Variants in BSPH1 observed in about 807,000 individuals in gnomAD.
The protein encoded by BSPH1 is binder of sperm 1.
Under a neutral mutation model 22.5 loss-of-function variants are expected in BSPH1, and 21 were observed. The ratio of observed to expected loss-of-function variants is 0.93; its 90% CI spans 0.66 to 1.35. The LOEUF (loss-of-function observed/expected upper bound fraction) is 1.35. BSPH1 is among the 40% of genes most tolerant of loss of function. BSPH1 has a pLI of 0.00. For synonymous variants in BSPH1, 42 were observed against 53.6 expected, an observed-to-expected ratio of 0.78 and a Z score of 0.95; for missense variants, 141 against 154.2, an observed-to-expected ratio of 0.91 and a Z score of 0.45.
Position 47,975,750 on chromosome 19 carries a change from T to C in BSPH1, c.*2+960A>G, listed in dbSNP as rs968755416. Among the ~76,000 whole-genome samples the C allele has an allele frequency of 2.0e-5, 3 of 150,232 alleles. No homozygotes were observed. The South Asian group carries it at 6.3e-4, about 32-fold the overall frequency. On this transcript the variant is annotated intron_variant, in intron 5 of 5. Coordinates refer to ENST00000344839, the MANE Select transcript of BSPH1 (RefSeq NM_001128326.2). ...GGCTCACTGCAAGCTCCGCCTCCCG[T>C]GTTCACGCCATTCTCCTGCCTCAGC...
Position 47,992,029 on chromosome 19 carries a change from C to G in BSPH1, c.53G>C (p.Cys18Ser), listed in dbSNP as rs1210972032. The change falls in exon 1 of 6, where the codon TGC (cysteine) becomes TCC (serine). Residue 18 changes from cysteine to serine, a missense_variant. Cys to Ser is a moderately radical substitution (Grantham distance 112). Coordinates refer to ENST00000344839, the MANE Select transcript of BSPH1 (RefSeq NM_001128326.2). ...AATACTTAAAATAACAGGGAAGATG[C>G]AAGCTGAGGAATTTCGCGTCGTTTC... ...FVETTRNSSA[C>S]IFPVILNELS... is the part of the protein sequence containing the mutation. The G allele has an allele frequency of 6.5e-7, 1 of 1,549,786 alleles. No individual in the cohort carries two copies. Among genetic ancestry groups the G allele is most frequent in the Admixed American group, 2.0e-5 (1 of 50,956 alleles).
chr19:47,988,759 CT>C (rs1270226764), intron 1 of BSPH1, among the ~76,000 whole-genome samples: 3 of 152,220 alleles, frequency 2.0e-5, no homozygotes, highest in African/African-American at 7.2e-5. Flanking sequence ...GTCTACACAC[CT>C]GGACAGTTCT....
chr19:47,973,222 AATAATAATAATAAT>A (rs1568395382), intron 5 of BSPH1, among the ~76,000 whole-genome samples: 31 of 87,344 alleles, frequency 3.5e-4, no homozygotes, highest in African/African-American at 9.9e-4. Context: ...GTCTCAAAAT[AATAATAATAATAAT>A]AATAATAATA....
chr19:47,973,047 C>G (rs907892605), intron 5 of BSPH1, among the ~76,000 whole-genome samples: 2 of 151,622 alleles, frequency 1.3e-5, no homozygotes, highest in African/African-American at 4.8e-5. Flanking sequence ...GAAACCCCGT[C>G]TCTTCTAAAA....
chr19:47,970,527 T>C (rs1057261475), intron 5 of BSPH1, among the ~76,000 whole-genome samples: 2 of 152,204 alleles, frequency 1.3e-5, no homozygotes, highest in African/African-American at 4.8e-5. Context: ...GTACAAAGGT[T>C]GACTTGATGC....
chr19:47,987,249 G>A (rs1460288215), intron 1 of BSPH1, among the ~76,000 whole-genome samples: 1 of 152,184 alleles, frequency 6.6e-6, no homozygotes, highest in Non-Finnish European at 1.5e-5. Context: ...GTTTGTGGAG[G>A]CTAAAACACC....
Position 47,991,099 on chromosome 19 carries a change from C to T in BSPH1, c.73+910G>A, listed in dbSNP as rs543335534. 9.9e-5 allele frequency among the ~76,000 whole-genome samples: 15 copies of T among 152,268 alleles called. No individual in the cohort carries two copies. The South Asian group carries it at 2.3e-3, about 23-fold the overall frequency. On this transcript the variant is annotated intron_variant, in intron 1 of 5. Transcript: ENST00000344839. ...CAAGGGAGACTGTTGCCCTCCATGGCGACTGGGATTTGATTACATACAGCA... is the reference window on the plus strand; with the variant it reads ...CAAGGGAGACTGTTGCCCTCCATGGTGACTGGGATTTGATTACATACAGCA...
chr19:47,968,450 C>T (rs897519726), intron 5 of BSPH1, among the ~76,000 whole-genome samples: 10 of 151,490 alleles, frequency 6.6e-5, no homozygotes, highest in East Asian at 1.9e-4. Flanking sequence ...CTCTGCTTCC[C>T]GCGTTCAAAT....
chr19:47,977,651 G>T, intron 3 of BSPH1, 147 bp from the exon 4 acceptor site: 1 of 1,408,028 alleles, frequency 7.1e-7, no homozygotes, highest in Non-Finnish European at 9.2e-7. Context: ...CAATAGCAGA[G>T]CTTTGGCTCT....
At chr19:47,979,478 T>C (rs539015814) in intron 3 of BSPH1, 92 bp downstream of exon 3, 13 of 671,530 alleles carry the variant, frequency 1.9e-5, no homozygotes, top group Non-Finnish European at 3.0e-5. Flanking sequence ...AAAAAATGAT[T>C]TTTTTTACTG....
intron 1 of BSPH1, among the ~76,000 whole-genome samples, chr19:47,988,362 G>T (rs571931864): frequency 3.3e-5 from 5 of 152,154 alleles, no homozygotes; most frequent in Admixed American, 6.6e-5. Flanking sequence ...GAGTCAGCAA[G>T]AATCACGATC....
chr19:47,982,840 A>G (rs1157982504), intron 1 of BSPH1, among the ~76,000 whole-genome samples: 1 of 152,240 alleles, frequency 6.6e-6, no homozygotes, highest in East Asian at 1.9e-4. Flanking sequence ...AGGTTAAGTA[A>G]AATAAGCCAG....
In BSPH1 at chr19:47,989,917, G is replaced by A. The variant is rs542422942; in HGVS notation, c.73+2092C>T. Among the ~76,000 whole-genome samples, 19 of 152,016 alleles carry A rather than the reference G, an allele frequency of 1.2e-4. No individual in the cohort carries two copies. In the South Asian group the frequency reaches 3.8e-3, roughly 30 times the overall value. On this transcript the variant is annotated intron_variant, in intron 1 of 5. Coordinates refer to ENST00000344839, the MANE Select transcript of BSPH1 (RefSeq NM_001128326.2). The stretch of plus-strand genomic sequence containing the variant: ...GTGAATCACCGAAGATCAGGAGTTC[G>A]AGACCAGCCTGGCCAACATGGTGGA...
chr19:47,976,592 AAAAAC>A lies in BSPH1; in HGVS notation c.*2+113_*2+117del, dbSNP rs1216536425. 1,161 of 666,226 alleles carry A rather than the reference AAAAAC, an allele frequency of 1.7e-3. 7 individuals are homozygous for A. Among genetic ancestry groups the A allele is most frequent in the African/African-American group, 2.8e-3 (140 of 50,206 alleles). The allele number at this position is 666,226 out of a possible 1,614,324, so 41.3% of individuals were successfully genotyped here. A position where few individuals can be genotyped will look rare whatever the true frequency, so the allele number is the denominator to read the frequency against. On this transcript the variant is annotated intron_variant, in intron 5 of 5. Transcript: ENST00000344839. ...TCAACTCACATCCCAGAAAAAAAAA[AAAAAC>A]AAAAAAAAACCCTCTCTAATGAGAA...
In BSPH1 at chr19:47,989,386, C is replaced by T. The variant is rs182298877; in HGVS notation, c.73+2623G>A. ...GTCTTGAACTCCTGACCTTGTGATCCGCCCGCCTCGGCCTCCCAAAGTGCT... is the reference window on the plus strand; with the variant it reads ...GTCTTGAACTCCTGACCTTGTGATCTGCCCGCCTCGGCCTCCCAAAGTGCT... On this transcript the variant is annotated intron_variant, in intron 1 of 5. Coordinates refer to ENST00000344839, the MANE Select transcript of BSPH1 (RefSeq NM_001128326.2). Among the ~76,000 whole-genome samples, 1,052 of 151,826 alleles carry T rather than the reference C, an allele frequency of 6.9e-3. 37 individuals are homozygous for T. Among genetic ancestry groups the T allele is most frequent in the Admixed American group, 0.059 (893 of 15,220 alleles).
intron 1 of BSPH1, among the ~76,000 whole-genome samples, 187 bp downstream of exon 1, chr19:47,991,822 C>T (rs1424964085): frequency 8.6e-6 from 1 of 116,626 alleles, no homozygotes; most frequent in African/African-American, 3.1e-5. Flanking sequence ...CCTCCTCCTT[C>T]CTCTCTTCCT....
chr19:47,978,351 G>T (rs1194324784), intron 3 of BSPH1, among the ~76,000 whole-genome samples: 1 of 151,948 alleles, frequency 6.6e-6, no homozygotes, highest in African/African-American at 2.4e-5. Context: ...GCATCTTCCT[G>T]CCTCGGCTTC....
intron 1 of BSPH1, among the ~76,000 whole-genome samples, chr19:47,991,195 G>GCGCCGACCACAC (rs1294958976): frequency 1.3e-5 from 2 of 152,166 alleles, no homozygotes; most frequent in African/African-American, 4.8e-5. Flanking sequence ...GTTAAATACA[G>GCGCCGACCACAC]CGCCGACCAC....
chr19:47,967,441 G>A (rs1341550643), downstream of BSPH1, among the ~76,000 whole-genome samples: 2 of 152,104 alleles, frequency 1.3e-5, no homozygotes, highest in Non-Finnish European at 2.9e-5. Flanking sequence ...TGGCTTAAAC[G>A]ACAGAGATTT....
Sources: gnomAD v4.1 joint callset for allele counts (sites outside exome capture counted in the v4.1 genomes callset) on GRCh38, gnomAD v4.1.1 for gene constraint, MANE v1.5 for transcripts, NCBI Gene and HGNC (gene_info 2026-07-23, HGNC 2026-07-21) for gene names.